Variants in HELZ observed in about 807,000 individuals in gnomAD.
The protein encoded by HELZ is ATP-dependent RNA helicase with zinc finger domain.
Under a neutral mutation model 218.2 loss-of-function variants are expected in HELZ, and 23 were observed. The ratio of observed to expected loss-of-function variants is 0.11; its 90% CI spans 0.08 to 0.15. The LOEUF is 0.15. Among genes scored for constraint, HELZ ranks in the 10% least tolerant of loss-of-function variants. HELZ has a pLI of 1.00. For synonymous variants in HELZ, 814 were observed against 829.4 expected (o/e 0.98, Z 0.32); for missense variants, 1,813 against 2,353.7 (o/e 0.77, Z 4.75).
At chr17:67,168,141 G>A (rs1173805644) in intron 13 of HELZ, among the ~76,000 whole-genome samples, 1 of 151,916 alleles carries the variant, frequency 6.6e-6, no homozygotes. Flanking sequence ...ACCACGCCCG[G>A]CTAATTTTTG....
chr17:67,115,941 T>C (rs1280942219), intron 27 of HELZ, among the ~76,000 whole-genome samples: 1 of 152,200 alleles, frequency 6.6e-6, no homozygotes, highest in Non-Finnish European at 1.5e-5. Flanking sequence ...AGAACTCTTT[T>C]ACTTGGCTGT....
intron 13 of HELZ, among the ~76,000 whole-genome samples, chr17:67,174,740 G>A (rs1199573461): frequency 2.0e-5 from 3 of 152,216 alleles, no homozygotes; most frequent in Non-Finnish European, 4.4e-5. Flanking sequence ...GGAGGTTCTG[G>A]TGAGCGAGAC....
chr17:67,158,831 T>G (rs1256329195), intron 17 of HELZ, among the ~76,000 whole-genome samples: 1 of 152,096 alleles, frequency 6.6e-6, no homozygotes, highest in African/African-American at 2.4e-5. Context: ...AAAAAATAAT[T>G]TTACATGGAA....
At chr17:67,202,580 A>G (rs539730593) in intron 6 of HELZ, among the ~76,000 whole-genome samples, 60 of 152,344 alleles carry the variant, frequency 3.9e-4, no homozygotes, top group Admixed American at 9.2e-4. Context: ...CAGAGTGGTT[A>G]TGGATATTAC....
intron 3 of HELZ, among the ~76,000 whole-genome samples, 187 bp from the exon 4 acceptor site, chr17:67,219,009 A>C (rs1028591190): frequency 6.6e-6 from 1 of 152,200 alleles, no homozygotes; most frequent in Admixed American, 6.5e-5. Context: ...ATATTTTATG[A>C]AGTCTTTACT....
chr17:67,215,647 TCA>T, intron 5 of HELZ: 1 of 480,846 alleles, frequency 2.1e-6, no homozygotes, highest in Non-Finnish European at 3.9e-6. Flanking sequence ...ACACCCGGCC[TCA>T]CACAAACTTC....
In HELZ at chr17:67,148,644, T is replaced by C. The variant is rs2038583684; in HGVS notation, c.2546A>G (p.Tyr849Cys). Residue 849 changes from tyrosine to cysteine, a missense_variant, in exon 20 of 33, where the codon TAT becomes TGT. Physicochemically the swap from Tyr to Cys is radical, Grantham distance 194. Transcript: ENST00000358691. ...TGGGAACTCAGCAGGGTAATGCTCA[T>C]AGAGTCGGTCAAGTAATGAAACGTG... ...NLHVSLLDRL[Y>C]EHYPAEFPCR... 3 of 1,613,794 alleles carry C rather than the reference T, an allele frequency of 1.9e-6. No homozygotes were observed. The highest frequency in any genetic ancestry group is 2.5e-6 in the Non-Finnish European group (3 of 1,179,748).
rs1892791825 is a variant in HELZ at position 67,072,670 on chromosome 17, G to A, written c.*5582C>T. The A allele has an allele frequency of 6.6e-6, 1 of 152,266 alleles. No homozygotes were observed. The highest frequency in any genetic ancestry group is 6.5e-5 in the Admixed American group (1 of 15,284). 9.4% of individuals were successfully genotyped at this position (152,266 alleles called of 1,614,324 possible). A position where few individuals can be genotyped will look rare whatever the true frequency, so the allele number is the denominator to read the frequency against. ...AGACCCCAGCAGGGGTGAGAGTGAG[G>A]AGGGGTGGTGGCCAATCCAAAGGGC... On this transcript the variant is annotated 3_prime_UTR_variant, in exon 33 of 33. Coordinates refer to ENST00000358691, the MANE Select transcript of HELZ (RefSeq NM_014877.4).
rs545032155 is a variant in HELZ at position 67,151,517 on chromosome 17, G to A, written c.2178-293C>T. On this transcript the variant is annotated intron_variant, in intron 17 of 32. Coordinates refer to ENST00000358691, the MANE Select transcript of HELZ (RefSeq NM_014877.4). ...TCTTGCAACAGAATGGCACATAAAC[G>A]TAAGATTTATAAGCACTACAATTTT... is the stretch of plus-strand genomic sequence containing the variant. 9.9e-5 allele frequency among the ~76,000 whole-genome samples: 15 copies of A among 152,204 alleles called. No individual in the cohort carries two copies. In the South Asian group the frequency reaches 1.7e-3, roughly 17 times the overall value.
chr17:67,221,024 G>A (rs1019250718), intron 3 of HELZ, among the ~76,000 whole-genome samples: 8 of 152,024 alleles, frequency 5.3e-5, no homozygotes, highest in Non-Finnish European at 1.0e-4. Flanking sequence ...ACATTGATGT[G>A]GGTGAAATCA....
chr17:67,139,678 CA>C (rs1253533205), intron 21 of HELZ, among the ~76,000 whole-genome samples: 4 of 152,200 alleles, frequency 2.6e-5, no homozygotes, highest in Non-Finnish European at 5.9e-5. Flanking sequence ...ATCTATTCAA[CA>C]AAACCTGTAA....
intron 12 of HELZ, among the ~76,000 whole-genome samples, chr17:67,187,065 C>T (rs1598391709): frequency 6.6e-6 from 1 of 152,284 alleles, no homozygotes; most frequent in Middle Eastern, 3.4e-3. Flanking sequence ...ACAGAGATCA[C>T]CTGCCCTGCA....
chr17:67,180,342 G>A (rs1026797542), intron 12 of HELZ, among the ~76,000 whole-genome samples: 2 of 151,790 alleles, frequency 1.3e-5, no homozygotes, highest in African/African-American at 4.8e-5. Context: ...AAAAATATAC[G>A]ATAAAATTAA....
intron 4 of HELZ, 63 bp downstream of exon 4, chr17:67,218,532 C>G: frequency 8.3e-7 from 1 of 1,204,354 alleles, no homozygotes; most frequent in Non-Finnish European, 1.2e-6. Context: ...TGTATCGTCA[C>G]CCCTCAATGA....
At chr17:67,201,281 T>C in intron 6 of HELZ, 96 bp from the exon 7 acceptor site, 1 of 788,412 alleles carries the variant, frequency 1.3e-6, no homozygotes, top group South Asian at 1.7e-5. Flanking sequence ...TGAGTTTATT[T>C]GTAAAAAACA....
chr17:67,123,937 T>C (rs1476538904), intron 25 of HELZ, 26 bp downstream of exon 25: 2 of 1,574,538 alleles, frequency 1.3e-6, no homozygotes, highest in Non-Finnish European at 1.7e-6. Context: ...AAAAGCAAGT[T>C]TTCATAGGGT....
At chr17:67,089,589 A>G (rs2036496857) in intron 31 of HELZ, among the ~76,000 whole-genome samples, 1 of 149,688 alleles carries the variant, frequency 6.7e-6, no homozygotes, top group African/African-American at 2.4e-5. Flanking sequence ...ATGTCAGAAA[A>G]GCAAAACCGA....
In HELZ at chr17:67,199,012, C is replaced by T. The variant is rs72838446; in HGVS notation, c.429+2117G>A. 3.4e-3 allele frequency among the ~76,000 whole-genome samples: 518 copies of T among 152,132 alleles called. 3 individuals are homozygous for T. Among genetic ancestry groups the T allele is most frequent in the Non-Finnish European group, 3.5e-3 (240 of 67,996 alleles). ...AATAAAATAAATTGCATGTGATTAT[C>T]AGATGTAAAGTTGGTAATTCAATTA... On this transcript the variant is annotated intron_variant, in intron 7 of 32. Transcript: ENST00000358691.
At chr17:67,149,336 C>T (rs983426102) in intron 19 of HELZ, among the ~76,000 whole-genome samples, 9 of 152,102 alleles carry the variant, frequency 5.9e-5, no homozygotes, top group Non-Finnish European at 1.0e-4. Context: ...ACAAAGAGCC[C>T]CAAACTGCAA....
Sources: gnomAD v4.1 joint callset for allele counts (sites outside exome capture counted in the v4.1 genomes callset) on GRCh38, gnomAD v4.1.1 for gene constraint, MANE v1.5 for transcripts, NCBI Gene and HGNC (gene_info 2026-07-23, HGNC 2026-07-21) for gene names.